The following ERC2 variants were observed in gnomAD, a reference collection of about 807,000 sequenced individuals.
The protein encoded by ERC2 is ERC protein 2.
ERC2 carries 42 observed loss-of-function variants against 114.8 expected under a neutral mutation model. The ratio of observed to expected loss-of-function variants is 0.37; its 90% confidence interval spans 0.29 to 0.47. The LOEUF (loss-of-function observed/expected upper bound fraction) is 0.47. Among genes scored for constraint, ERC2 ranks in the 20% least tolerant of loss-of-function variants. ERC2 has a pLI of 0.99. For synonymous variants in ERC2, 454 were observed against 425.5 expected, an observed-to-expected ratio of 1.07 and a Z score of -0.82; for missense variants, 939 against 1,150.7, an observed-to-expected ratio of 0.82 and a Z score of 2.66.
chr3:56,279,397 G>A (rs148971613), intron 3 of ERC2, among the ~76,000 whole-genome samples: 22 of 152,320 alleles, frequency 1.4e-4, no homozygotes, highest in African/African-American at 5.1e-4. Context: ...AGGAAGGACT[G>A]AAAGTGAGGA....
intron 17 of ERC2, among the ~76,000 whole-genome samples, chr3:55,635,165 G>A (rs997593968): frequency 2.6e-5 from 4 of 152,036 alleles, no homozygotes; most frequent in Admixed American, 1.3e-4. Context: ...TTACAGGCGT[G>A]AGCCACCGTG....
chr3:55,871,933 A>C (rs747307723), intron 14 of ERC2, among the ~76,000 whole-genome samples: 3 of 152,218 alleles, frequency 2.0e-5, no homozygotes, highest in Non-Finnish European at 2.9e-5. Context: ...TTTGGTGTCA[A>C]GATGTTTATC....
At chr3:56,119,117 A>G (rs934788130) in intron 6 of ERC2, among the ~76,000 whole-genome samples, 15 of 152,238 alleles carry the variant, frequency 9.9e-5, no homozygotes, top group African/African-American at 3.6e-4. Context: ...ATAAAACTTT[A>G]TTTACAAAAG....
At chr3:55,705,930 C>T (rs990736259) in intron 15 of ERC2, among the ~76,000 whole-genome samples, 1 of 152,084 alleles carries the variant, frequency 6.6e-6, no homozygotes, top group East Asian at 1.9e-4. Flanking sequence ...TCTTGTTCCA[C>T]ACCAGATCTT....
intron 14 of ERC2, among the ~76,000 whole-genome samples, chr3:55,799,110 T>C (rs561898057): frequency 1.3e-5 from 2 of 152,166 alleles, no homozygotes; most frequent in Admixed American, 6.5e-5. Flanking sequence ...GTAGGGGCCA[T>C]GTACAGCTCA....
intron 2 of ERC2, among the ~76,000 whole-genome samples, chr3:56,383,675 A>G (rs1158888022): frequency 6.6e-6 from 1 of 152,008 alleles, no homozygotes; most frequent in African/African-American, 2.4e-5. Context: ...TCTTTTTTTA[A>G]TTGTGATAAG....
intron 2 of ERC2, among the ~76,000 whole-genome samples, chr3:56,376,851 C>T (rs1433854649): frequency 1.3e-5 from 2 of 152,030 alleles, no homozygotes; most frequent in East Asian, 1.9e-4. Flanking sequence ...TCTAGTAGAA[C>T]CAGAACAGAG....
chr3:55,956,448 T>A (rs890538448), intron 12 of ERC2, among the ~76,000 whole-genome samples: 2 of 152,092 alleles, frequency 1.3e-5, no homozygotes, highest in Non-Finnish European at 2.9e-5. Context: ...TATTTCATTT[T>A]TTTTTTGAAG....
At chr3:55,940,256 C>T (rs961876715) in intron 13 of ERC2, among the ~76,000 whole-genome samples, 3 of 152,020 alleles carry the variant, frequency 2.0e-5, no homozygotes, top group Non-Finnish European at 4.4e-5. Flanking sequence ...GTTGAAAGGG[C>T]CTTACTTCAA....
At chr3:56,249,526 C>T (rs1275535118) in intron 3 of ERC2, among the ~76,000 whole-genome samples, 1 of 152,046 alleles carries the variant, frequency 6.6e-6, no homozygotes, top group Non-Finnish European at 1.5e-5. Context: ...CGGGGTTTCA[C>T]TGTGTTAGCC....
At chr3:56,372,115 G>A (rs1209346843) in intron 2 of ERC2, among the ~76,000 whole-genome samples, 1 of 152,168 alleles carries the variant, frequency 6.6e-6, no homozygotes, top group Non-Finnish European at 1.5e-5. Flanking sequence ...AAGAGTCTGT[G>A]GTTAGAAGGT....
chr3:55,762,475 A>G (rs1208785406), intron 14 of ERC2, among the ~76,000 whole-genome samples: 3 of 152,200 alleles, frequency 2.0e-5, no homozygotes, highest in African/African-American at 7.2e-5. Flanking sequence ...CACACAAATG[A>G]ATGAGACTTT....
At chr3:56,020,912 G>A (rs998729157) in intron 7 of ERC2, among the ~76,000 whole-genome samples, 4 of 152,174 alleles carry the variant, frequency 2.6e-5, no homozygotes, top group Non-Finnish European at 5.9e-5. Flanking sequence ...AGACTAGGGA[G>A]ACTGAGGGTC....
intron 17 of ERC2, among the ~76,000 whole-genome samples, chr3:55,630,038 G>A (rs769448837): frequency 2.6e-5 from 4 of 152,204 alleles, no homozygotes; most frequent in Middle Eastern, 3.2e-3. Flanking sequence ...GTAACAGGAC[G>A]GAAGAGAAGA....
At chr3:55,611,471 A>G (rs1443690841) in intron 17 of ERC2, among the ~76,000 whole-genome samples, 1 of 152,232 alleles carries the variant, frequency 6.6e-6, no homozygotes, top group Non-Finnish European at 1.5e-5. Context: ...CTTGTGTGTG[A>G]AGGCTGGGCT....
At chr3:56,454,938 A>G (rs1394915204) in intron 1 of ERC2, among the ~76,000 whole-genome samples, 1 of 152,108 alleles carries the variant, frequency 6.6e-6, no homozygotes, top group African/African-American at 2.4e-5. Context: ...TGCTAAGTGA[A>G]ATAAACCAGC....
intron 2 of ERC2, among the ~76,000 whole-genome samples, chr3:56,424,131 C>T (rs934792899): frequency 2.6e-5 from 4 of 152,202 alleles, no homozygotes; most frequent in Non-Finnish European, 1.5e-5. Context: ...AGGATGCTGT[C>T]GATAGCGAAC....
intron 17 of ERC2, among the ~76,000 whole-genome samples, chr3:55,616,084 T>A (rs2059112745): frequency 6.6e-6 from 1 of 152,170 alleles, no homozygotes; most frequent in African/African-American, 2.4e-5. Context: ...TCCTCCTGGG[T>A]CTTATAGGAT....
intron 13 of ERC2, among the ~76,000 whole-genome samples, chr3:55,933,018 A>G (rs1259443092): frequency 6.6e-6 from 1 of 152,160 alleles, no homozygotes; most frequent in East Asian, 1.9e-4. Context: ...AGACCAGCCT[A>G]GCCAACAAGG....
Sources: gnomAD v4.1 joint callset for allele counts (sites outside exome capture counted in the v4.1 genomes callset) on GRCh38, gnomAD v4.1.1 for gene constraint, MANE v1.5 for transcripts, NCBI Gene and HGNC (gene_info 2026-07-23, HGNC 2026-07-21) for gene names.